Variants in PSTPIP1 observed in about 807,000 individuals in gnomAD.
PSTPIP1 encodes the protein proline-serine-threonine phosphatase interacting protein 1, also known as proline-serine-threonine phosphatase-interacting protein 1.
A neutral mutation model predicts 69.6 loss-of-function variants in PSTPIP1; 66 were observed. The observed-to-expected ratio is 0.95, with a 90% confidence interval of 0.78 to 1.16. The LOEUF (loss-of-function observed/expected upper bound fraction) is 1.16. PSTPIP1 is among the 50% of genes most tolerant of loss of function. The probability of loss-of-function intolerance (pLI) is 0.00; values close to 1 mark genes in which losing one functional copy is unlikely to be tolerated. For synonymous variants in PSTPIP1, 266 were observed against 222.7 expected (o/e 1.19, Z -1.73); for missense variants, 603 against 557.4 (o/e 1.08, Z -0.82).
At position 77,031,251 on chromosome 15, in the gene PSTPIP1, C is replaced by T; in HGVS notation, c.714C>T (p.Leu238=). 6.2e-7 allele frequency: 1 copy of T among 1,613,044 alleles called. No homozygotes were observed. Among genetic ancestry groups the T allele is most frequent in the Non-Finnish European group, 8.5e-7 (1 of 1,179,636 alleles). The change falls in exon 10 of 15, where the codon CTC becomes CTT. Residue 238 remains leucine, a synonymous_variant. Coordinates refer to ENST00000558012, the MANE Select transcript of PSTPIP1 (RefSeq NM_003978.5). ...CCCTGTGGGTGCACAGCAACCAGCT[C>T]TCCATGCAGTGTGTCAAGGATGATG... The part of the protein sequence containing the change: ...RNALWVHSNQ[L]SMQCVKDDEL...
chr15:77,022,182 A>G (rs1423250716), intron 3 of PSTPIP1, among the ~76,000 whole-genome samples: 1 of 152,198 alleles, frequency 6.6e-6, no homozygotes, highest in Non-Finnish European at 1.5e-5. Flanking sequence ...GAATGACGAC[A>G]TTGCTGAGGA....
intron 1 of PSTPIP1, among the ~76,000 whole-genome samples, chr15:77,010,308 G>A (rs1171212748): frequency 6.6e-6 from 1 of 152,194 alleles, no homozygotes; most frequent in Non-Finnish European, 1.5e-5. Flanking sequence ...ACTTGACGGG[G>A]TTCCCTGAGG....
intron 12 of PSTPIP1, among the ~76,000 whole-genome samples, chr15:77,033,339 C>A (rs1338171559): frequency 6.6e-6 from 1 of 152,180 alleles, no homozygotes; most frequent in Non-Finnish European, 1.5e-5. Context: ...TTTTCCAGGG[C>A]TCCTTCCCCG....
In PSTPIP1 at chr15:77,000,671, A is replaced by G. The variant is rs146271206; in HGVS notation, c.36+5062A>G. Among the ~76,000 whole-genome samples, 362 of 152,208 alleles carry G rather than the reference A, an allele frequency of 2.4e-3. 1 individual carries two copies. Among genetic ancestry groups the G allele is most frequent in the Non-Finnish European group, 3.7e-3 (252 of 68,018 alleles). Reference sequence around the variant, plus strand: ...GATTGCCTTACATAGGTGCAAGCATATTGTGTACATAATTTTGTATTTTCC... The same window carrying G: ...GATTGCCTTACATAGGTGCAAGCATGTTGTGTACATAATTTTGTATTTTCC... On this transcript the variant is annotated intron_variant, in intron 1 of 14. Coordinates refer to ENST00000558012, the MANE Select transcript of PSTPIP1 (RefSeq NM_003978.5).
chr15:77,035,499 T>G lies in PSTPIP1; in HGVS notation c.930-9T>G, dbSNP rs914281933. 6.3e-7 allele frequency: 1 copy of G among 1,586,776 alleles called. No individual in the cohort carries two copies. Among genetic ancestry groups the G allele is most frequent in the Non-Finnish European group, 8.6e-7 (1 of 1,166,898 alleles). ...GGGGACACTCACCCTCTTTCCTCCC[T>G]GTTCCCAGGTTCTCTGGACTGCTGC... On this transcript the variant is annotated splice_polypyrimidine_tract_variant and intron_variant, in intron 12 of 14. Coordinates refer to ENST00000558012, the MANE Select transcript of PSTPIP1 (RefSeq NM_003978.5).
intron 3 of PSTPIP1, among the ~76,000 whole-genome samples, chr15:77,021,860 C>T (rs1477798232): frequency 6.6e-6 from 1 of 152,186 alleles, no homozygotes; most frequent in Non-Finnish European, 1.5e-5. Context: ...GAAATGTCAC[C>T]TCCCTCAGAA....
intron 1 of PSTPIP1, chr15:77,015,942 G>T (rs746828604): frequency 2.2e-6 from 1 of 456,190 alleles, no homozygotes; most frequent in South Asian, 1.5e-5. Context: ...TGAGCACGGC[G>T]GTCACAGCCT....
intron 6 of PSTPIP1, 128 bp downstream of exon 6, chr15:77,028,042 T>A: frequency 2.2e-6 from 2 of 920,018 alleles, no homozygotes; most frequent in Non-Finnish European, 3.4e-6. Context: ...TCCTCGGACC[T>A]CGGCCTTGGG....
Position 77,027,776 on chromosome 15 carries a change from G to A in PSTPIP1, c.355-76G>A. ...GGAGAGGTGCTGCGCCTCATCCCAGGGACACTCCGTCCTCTTGGCCTAGGG... is the reference window on the plus strand; with the variant it reads ...GGAGAGGTGCTGCGCCTCATCCCAGAGACACTCCGTCCTCTTGGCCTAGGG... On this transcript the variant is annotated intron_variant, in intron 5 of 14. Coordinates refer to ENST00000558012, the MANE Select transcript of PSTPIP1 (RefSeq NM_003978.5). This position sits in a 1 kb window ranked among gnomAD's most constrained non-coding sequence, Gnocchi z 4.3. The A allele has an allele frequency of 6.6e-7, 1 of 1,523,818 alleles. No homozygotes were observed. Among genetic ancestry groups the A allele is most frequent in the Non-Finnish European group, 8.9e-7 (1 of 1,124,140 alleles). 94.4% of individuals were successfully genotyped at this position (1,523,818 alleles called of 1,614,324 possible).
chr15:77,025,256 T>G (rs756631956), intron 3 of PSTPIP1, 28 bp from the exon 4 acceptor site: 2 of 1,599,290 alleles, frequency 1.3e-6, no homozygotes, highest in Non-Finnish European at 1.7e-6. Context: ...GCTCTCCTCC[T>G]CCTGACCTGG....
At chr15:77,009,260 G>T (rs1350666571) in intron 1 of PSTPIP1, among the ~76,000 whole-genome samples, 1 of 152,122 alleles carries the variant, frequency 6.6e-6, no homozygotes, top group Non-Finnish European at 1.5e-5. Context: ...GAGCCAAAGG[G>T]CCTCCAGAGG....
chr15:77,000,079 C>T (rs1381118899), intron 1 of PSTPIP1, among the ~76,000 whole-genome samples: 2 of 152,176 alleles, frequency 1.3e-5, no homozygotes, highest in Non-Finnish European at 2.9e-5. Flanking sequence ...GGGTGTATCT[C>T]TCCTTTGAGG....
In PSTPIP1 at chr15:77,029,519, G is replaced by A. The variant is rs1157054947; in HGVS notation, c.517-10G>A. 1 of 1,575,176 alleles carries A rather than the reference G, an allele frequency of 6.3e-7. No homozygotes were observed. The highest frequency in any genetic ancestry group is 1.8e-5 in the Admixed American group (1 of 54,182). The stretch of plus-strand genomic sequence containing the variant: ...AGGGGCTTAGCGCTGCTTCCCCTCT[G>A]TTTCCTCAGAGTCAGAACAAAGCCA... On this transcript the variant is annotated splice_polypyrimidine_tract_variant and intron_variant, in intron 7 of 14. Coordinates refer to ENST00000558012, the MANE Select transcript of PSTPIP1 (RefSeq NM_003978.5).
At chr15:77,004,570 G>A (rs1367068331) in intron 1 of PSTPIP1, among the ~76,000 whole-genome samples, 1 of 151,944 alleles carries the variant, frequency 6.6e-6, no homozygotes, top group Admixed American at 6.6e-5. Context: ...AAATAGAACA[G>A]TGGCCAGGCG....
At position 76,995,282 on chromosome 15, in the gene PSTPIP1, G is replaced by T; in HGVS notation, c.-292G>T. The T allele has an allele frequency of 7.5e-7, 1 of 1,336,146 alleles. No homozygotes were observed. The allele number at this position is 1,336,146 out of a possible 1,614,324, so 82.8% of individuals were successfully genotyped here. Reference sequence around the variant, plus strand: ...CAGACTGTGTCCTCCATCACCGCAGGGTCGGTGAGGGGCTGGGCTGGACAC... The same window carrying T: ...CAGACTGTGTCCTCCATCACCGCAGTGTCGGTGAGGGGCTGGGCTGGACAC... On this transcript the variant is annotated 5_prime_UTR_variant, in exon 1 of 15. Coordinates refer to ENST00000558012, the MANE Select transcript of PSTPIP1 (RefSeq NM_003978.5).
chr15:77,033,865 C>T (rs1337764563), intron 12 of PSTPIP1, among the ~76,000 whole-genome samples: 1 of 152,104 alleles, frequency 6.6e-6, no homozygotes, highest in African/African-American at 2.4e-5. Flanking sequence ...GCAGTGACCC[C>T]AGGAGGCAGC....
chr15:77,018,381 T>C lies in PSTPIP1; in HGVS notation c.138-76T>C, dbSNP rs938827560. 3.2e-6 allele frequency: 5 copies of C among 1,542,360 alleles called. No homozygotes were observed. In the African/African-American group the frequency reaches 6.9e-5, roughly 21 times the overall value. On this transcript the variant is annotated intron_variant, in intron 2 of 14. Transcript: ENST00000558012. ...CACGCCCTGCTTTAAAAAACTCTTC[T>C]GTGTTCCCTCAAACCTGGGCCTCCC...
intron 14 of PSTPIP1, 74 bp from the exon 15 acceptor site, chr15:77,036,971 A>G (rs2076591872): frequency 6.4e-7 from 1 of 1,558,508 alleles, no homozygotes; most frequent in African/African-American, 1.4e-5. Context: ...TGGGTGGGGG[A>G]ACGCCAGGCC....
Position 77,030,486 on chromosome 15 carries a change from C to T in PSTPIP1, c.563-16C>T. On this transcript the variant is annotated splice_polypyrimidine_tract_variant and intron_variant, in intron 8 of 14. Transcript: ENST00000558012. ...GCTCGTGTCAGGGCCCTCCCTGAGG[C>T]TGCCTGCGCTTTCAGAGCGGGTATA... 1 of 1,610,140 alleles carries T rather than the reference C, an allele frequency of 6.2e-7. No homozygotes were observed.
Sources: gnomAD v4.1 joint callset for allele counts (sites outside exome capture counted in the v4.1 genomes callset) on GRCh38, gnomAD v4.1.1 for gene constraint, Gnocchi (gnomAD v3.1) non-coding constraint, MANE v1.5 for transcripts, NCBI Gene and HGNC (gene_info 2026-07-23, HGNC 2026-07-21) for gene names.